CLSTN2: variants seen among roughly 807,000 people sequenced by gnomAD.
The protein encoded by CLSTN2 is calsyntenin 2.
CLSTN2 carries 48 observed loss-of-function variants against 101.2 expected under a neutral mutation model. The ratio of observed to expected loss-of-function variants is 0.47; its 90% confidence interval spans 0.38 to 0.60. The LOEUF is 0.60. Among genes scored for constraint, CLSTN2 ranks in the 20% least tolerant of loss-of-function variants. The probability of loss-of-function intolerance (pLI) is 0.00; values close to 1 mark genes in which losing one functional copy is unlikely to be tolerated. For missense variants in CLSTN2, 1,160 were observed against 1,238.2 expected (o/e 0.94, Z 0.95); for synonymous variants, 481 against 463.6 (o/e 1.04, Z -0.48).
chr3:140,447,968 C>T (rs1452133276), intron 5 of CLSTN2, among the ~76,000 whole-genome samples: 3 of 152,116 alleles, frequency 2.0e-5, no homozygotes, highest in Admixed American at 6.5e-5. Context: ...CCCCATGACA[C>T]AAATTTACCT....
chr3:140,440,918 AATT>A (rs2088757092), intron 5 of CLSTN2, among the ~76,000 whole-genome samples: 1 of 152,190 alleles, frequency 6.6e-6, no homozygotes, highest in African/African-American at 2.4e-5. Flanking sequence ...GTTGTTTAAA[AATT>A]ATTAAGAAAG....
intron 1 of CLSTN2, among the ~76,000 whole-genome samples, chr3:140,173,119 A>G (rs770834970): frequency 6.6e-6 from 1 of 152,240 alleles, no homozygotes; most frequent in African/African-American, 2.4e-5. Context: ...CTGCCTATGA[A>G]CTTGTAAAAT....
At chr3:140,028,049 G>T (rs935609328) in intron 1 of CLSTN2, among the ~76,000 whole-genome samples, 14 of 152,224 alleles carry the variant, frequency 9.2e-5, no homozygotes, top group Admixed American at 2.0e-4. Context: ...AGCTGGGGCT[G>T]TGCTTGGGTC....
intron 2 of CLSTN2, among the ~76,000 whole-genome samples, chr3:140,311,377 C>T (rs960713149): frequency 7.9e-6 from 1 of 126,732 alleles, no homozygotes; most frequent in Non-Finnish European, 1.6e-5. Context: ...CTGATCTTGG[C>T]TCACTGCAAC....
At chr3:140,090,294 G>A (rs1409448864) in intron 1 of CLSTN2, among the ~76,000 whole-genome samples, 1 of 151,990 alleles carries the variant, frequency 6.6e-6, no homozygotes, top group Non-Finnish European at 1.5e-5. Context: ...CCATTAGGCT[G>A]ATGCCCTTTG....
At chr3:140,370,199 A>G (rs1443379688) in intron 2 of CLSTN2, among the ~76,000 whole-genome samples, 2 of 152,068 alleles carry the variant, frequency 1.3e-5, no homozygotes, top group Non-Finnish European at 2.9e-5. Context: ...TGCTTCAATT[A>G]CTCACCATTG....
chr3:140,014,486 T>G (rs1576397214), intron 1 of CLSTN2, among the ~76,000 whole-genome samples: 1 of 152,040 alleles, frequency 6.6e-6, no homozygotes, highest in Non-Finnish European at 1.5e-5. Context: ...CCAAAATTGT[T>G]GAGATTACAG....
At chr3:140,308,712 G>A (rs117876597) in intron 2 of CLSTN2, among the ~76,000 whole-genome samples, 34 of 152,312 alleles carry the variant, frequency 2.2e-4, no homozygotes, top group African/African-American at 7.7e-4. Context: ...ACCTCTCAAC[G>A]TACAGTGCCA....
chr3:140,404,884 G>T (rs1024591740), intron 4 of CLSTN2, 118 bp downstream of exon 4: 110 of 853,232 alleles, frequency 1.3e-4, no homozygotes, highest in Non-Finnish European at 1.9e-4. Flanking sequence ...TGCCATGTTT[G>T]GTCTAAGCTC....
chr3:140,189,327 T>G (rs573076189), intron 2 of CLSTN2, among the ~76,000 whole-genome samples: 2 of 152,362 alleles, frequency 1.3e-5, no homozygotes, highest in African/African-American at 4.8e-5. Context: ...AAGAAACTGC[T>G]GAAGTGTGTT....
chr3:140,136,865 T>A (rs1411757327), intron 1 of CLSTN2, among the ~76,000 whole-genome samples: 2 of 152,116 alleles, frequency 1.3e-5, no homozygotes, highest in African/African-American at 4.8e-5. Context: ...GAGTTTAACC[T>A]CAGGTATGAC....
intron 1 of CLSTN2, among the ~76,000 whole-genome samples, chr3:140,050,371 C>T (rs1267402890): frequency 6.6e-6 from 1 of 152,202 alleles, no homozygotes; most frequent in Non-Finnish European, 1.5e-5. Context: ...TTGACCTACA[C>T]ACACGGCAAT....
chr3:140,044,075 G>C (rs890862446), intron 1 of CLSTN2, among the ~76,000 whole-genome samples: 1 of 152,172 alleles, frequency 6.6e-6, no homozygotes, highest in Non-Finnish European at 1.5e-5. Flanking sequence ...GAAAGTCATT[G>C]GTAGCTTGAT....
At chr3:140,351,932 C>CAG (rs112841335) in intron 2 of CLSTN2, among the ~76,000 whole-genome samples, 3,292 of 151,188 alleles carry the variant, frequency 0.022, 116 homozygotes, top group African/African-American at 0.076. Context: ...ATTAGTGATA[C>CAG]AGAGAAGGAC....
At chr3:140,414,501 A>G (rs1446596224) in intron 4 of CLSTN2, among the ~76,000 whole-genome samples, 1 of 152,054 alleles carries the variant, frequency 6.6e-6, no homozygotes, top group East Asian at 1.9e-4. Context: ...TCACTTATAA[A>G]TGGGAGCTAA....
intron 8 of CLSTN2, among the ~76,000 whole-genome samples, chr3:140,467,439 G>C (rs934574142): frequency 6.6e-6 from 1 of 152,182 alleles, no homozygotes; most frequent in Non-Finnish European, 1.5e-5. Flanking sequence ...ATTTGAAAGG[G>C]ACCAGGCGCT....
chr3:140,383,775 T>C (rs972351116), intron 2 of CLSTN2, among the ~76,000 whole-genome samples: 1 of 152,180 alleles, frequency 6.6e-6, no homozygotes, highest in Non-Finnish European at 1.5e-5. Flanking sequence ...AGAGGTAGCA[T>C]AAGGGTATTT....
intron 1 of CLSTN2, among the ~76,000 whole-genome samples, chr3:140,025,782 G>C (rs1404952160): frequency 1.3e-5 from 2 of 152,160 alleles, no homozygotes; most frequent in Non-Finnish European, 1.5e-5. Context: ...GCATGAGGTT[G>C]GATTTGCTTT....
chr3:140,082,285 A>G (rs993400631), intron 1 of CLSTN2, among the ~76,000 whole-genome samples: 2 of 152,006 alleles, frequency 1.3e-5, no homozygotes, highest in Non-Finnish European at 2.9e-5. Context: ...CTTCTCTCCT[A>G]TTCCTTGAAT....
Sources: allele counts gnomAD v4.1 joint callset (sites outside exome capture counted in the v4.1 genomes callset), GRCh38; gene constraint gnomAD v4.1.1; transcripts MANE v1.5; gene names NCBI Gene and HGNC (gene_info 2026-07-23, HGNC 2026-07-21).